The following TTLL5 variants were observed in gnomAD, a reference collection of about 807,000 sequenced individuals.
TTLL5 encodes the protein tubulin polyglutamylase TTLL5.
Under a neutral mutation model 168.4 loss-of-function variants are expected in TTLL5, and 132 were observed. The ratio of observed to expected loss-of-function variants is 0.78; its 90% CI spans 0.68 to 0.91. The LOEUF (loss-of-function observed/expected upper bound fraction) is 0.91, where lower values mean the gene tolerates loss of function less well. TTLL5 is among the 40% of genes least tolerant of loss of function. TTLL5 has a pLI of 0.00. For synonymous variants in TTLL5, 546 were observed against 558.6 expected (o/e 0.98, Z 0.32); for missense variants, 1,545 against 1,581.5 (o/e 0.98, Z 0.39).
At chr14:75,922,519 T>C (rs2033862656) in intron 31 of TTLL5, among the ~76,000 whole-genome samples, 1 of 152,230 alleles carries the variant, frequency 6.6e-6, no homozygotes, top group African/African-American at 2.4e-5. Flanking sequence ...GTTCTGTTTA[T>C]GTGATGGATT....
intron 2 of TTLL5, among the ~76,000 whole-genome samples, chr14:75,664,216 A>T (rs1883092755): frequency 6.6e-6 from 1 of 152,196 alleles, no homozygotes. Context: ...ACTCAGTCTT[A>T]TCAGGAAATT....
At chr14:75,750,796 G>A (rs1179686794) in intron 17 of TTLL5, among the ~76,000 whole-genome samples, 1 of 152,150 alleles carries the variant, frequency 6.6e-6, no homozygotes, top group Non-Finnish European at 1.5e-5. Flanking sequence ...GGCACAGTAA[G>A]ATATTAATAG....
At chr14:75,822,827 T>G (rs1894906623) in intron 28 of TTLL5, among the ~76,000 whole-genome samples, 1 of 152,178 alleles carries the variant, frequency 6.6e-6, no homozygotes, top group African/African-American at 2.4e-5. Context: ...CTTGGTTCCT[T>G]TGGTCTGTCT....
intron 31 of TTLL5, among the ~76,000 whole-genome samples, chr14:75,937,220 G>A (rs918452162): frequency 6.6e-5 from 10 of 151,470 alleles, no homozygotes; most frequent in East Asian, 3.9e-4. Flanking sequence ...TGGTTCAAGC[G>A]ATTCTCCTGC....
chr14:75,919,234 A>C (rs1471548462), intron 31 of TTLL5, among the ~76,000 whole-genome samples: 1 of 151,038 alleles, frequency 6.6e-6, no homozygotes, highest in Non-Finnish European at 1.5e-5. Flanking sequence ...AAAAAGAAAA[A>C]GAAAAGAAAA....
chr14:75,682,963 G>A (rs1301480350), intron 4 of TTLL5, among the ~76,000 whole-genome samples: 4 of 151,922 alleles, frequency 2.6e-5, no homozygotes, highest in East Asian at 3.9e-4. Flanking sequence ...TATAGAGACA[G>A]GGTCTTAATA....
chr14:75,778,506 G>A (rs1015285051), intron 23 of TTLL5, among the ~76,000 whole-genome samples: 2 of 152,190 alleles, frequency 1.3e-5, no homozygotes, highest in African/African-American at 4.8e-5. Context: ...ATCTTTGATA[G>A]TCACTTGAGA....
At chr14:75,752,839 A>G in intron 17 of TTLL5, 54 bp from the exon 18 acceptor site, 2 of 1,533,876 alleles carry the variant, frequency 1.3e-6, no homozygotes, top group Non-Finnish European at 1.8e-6. Context: ...GTATTTCTAC[A>G]TTTTCCTCTT....
rs755391771 is a variant in TTLL5 at position 75,663,122 on chromosome 14, G to C, written c.-28G>C. On this transcript the variant is annotated 5_prime_UTR_variant, in exon 2 of 32. Transcript: ENST00000298832. ...GGAAAGGTCTCTGAGGCCCCCGTCTGCTGACTGCATGACAAACCCTAAAGG... is the reference window on the plus strand; with the variant it reads ...GGAAAGGTCTCTGAGGCCCCCGTCTCCTGACTGCATGACAAACCCTAAAGG... The C allele has an allele frequency of 6.2e-7, 1 of 1,610,062 alleles. No homozygotes were observed. The highest frequency in any genetic ancestry group is 1.1e-5 in the South Asian group (1 of 90,262).
At chr14:75,703,562 G>A (rs538198461) in intron 7 of TTLL5, among the ~76,000 whole-genome samples, 12 of 152,270 alleles carry the variant, frequency 7.9e-5, no homozygotes, top group African/African-American at 2.9e-4. Context: ...TATATTCAAA[G>A]CAAGGAGGGG....
At chr14:75,904,468 G>A (rs2033063258) in intron 31 of TTLL5, among the ~76,000 whole-genome samples, 1 of 152,118 alleles carries the variant, frequency 6.6e-6, no homozygotes, top group African/African-American at 2.4e-5. Context: ...ATTAAGTGTT[G>A]AATTGAACTT....
chr14:75,692,670 A>G (rs1885546404), intron 6 of TTLL5, among the ~76,000 whole-genome samples: 1 of 152,172 alleles, frequency 6.6e-6, no homozygotes, highest in Non-Finnish European at 1.5e-5. Flanking sequence ...AAGAACAAAC[A>G]TTACTGCCTG....
rs542477264 is a variant in TTLL5, at chr14:75,798,825, G to C, written c.3171+5725G>C. On this transcript the variant is annotated intron_variant, in intron 27 of 31. Transcript: ENST00000298832. Reference sequence around the variant, plus strand: ...AGTTTTATTACATTGTGGTCTGAGAGAATACTTGATATAATTTTGATTTTC... The same window carrying C: ...AGTTTTATTACATTGTGGTCTGAGACAATACTTGATATAATTTTGATTTTC... Among the ~76,000 whole-genome samples, 8 of 152,238 alleles carry C rather than the reference G, an allele frequency of 5.3e-5. No homozygotes were observed. The South Asian group carries it at 1.7e-3, about 32-fold the overall frequency.
chr14:75,880,664 A>G (rs530452560), intron 29 of TTLL5, among the ~76,000 whole-genome samples: 2 of 152,120 alleles, frequency 1.3e-5, no homozygotes, highest in African/African-American at 4.8e-5. Flanking sequence ...CTTCCAATTG[A>G]GTTTCTCACA....
chr14:75,682,354 G>GT (rs1456568960), intron 4 of TTLL5, among the ~76,000 whole-genome samples: 1 of 152,114 alleles, frequency 6.6e-6, no homozygotes, highest in Non-Finnish European at 1.5e-5. Context: ...GCCAGGGAAG[G>GT]TCCCCGAGTG....
intron 27 of TTLL5, among the ~76,000 whole-genome samples, chr14:75,794,359 T>G (rs537117183): frequency 7.9e-5 from 12 of 152,090 alleles, no homozygotes; most frequent in Non-Finnish European, 1.5e-4. Context: ...TGCTACACTT[T>G]TATCATTGGG....
chr14:75,739,534 A>G (rs887954443), intron 15 of TTLL5, among the ~76,000 whole-genome samples: 3 of 151,970 alleles, frequency 2.0e-5, no homozygotes, highest in African/African-American at 4.8e-5. Flanking sequence ...CATTATCTCT[A>G]TATTTCTCCT....
At position 75,669,410 on chromosome 14, in the gene TTLL5, T is replaced by G. The variant is rs759523095; in HGVS notation, c.75-6T>G. 7 of 1,611,648 alleles carry G rather than the reference T, an allele frequency of 4.3e-6. No individual in the cohort carries two copies. In the South Asian group the frequency reaches 6.6e-5, roughly 15 times the overall value. The stretch of plus-strand genomic sequence containing the variant: ...TAAATTAATGAAGGCTTTTTTGTCG[T>G]TATAGGGATCATCCATGCATCATGT... On this transcript the variant is annotated splice_region_variant and splice_polypyrimidine_tract_variant and intron_variant, in intron 2 of 31. Transcript: ENST00000298832.
At chr14:75,735,367 C>G in intron 15 of TTLL5, 78 bp downstream of exon 15, 1 of 1,405,008 alleles carries the variant, frequency 7.1e-7, no homozygotes, top group Non-Finnish European at 1.0e-6. Context: ...GGAGCAGAAG[C>G]ACTGTGGGTA....
Sources: gnomAD v4.1 joint callset for allele counts (sites outside exome capture counted in the v4.1 genomes callset) on GRCh38, gnomAD v4.1.1 for gene constraint, MANE v1.5 for transcripts, NCBI Gene and HGNC (gene_info 2026-07-23, HGNC 2026-07-21) for gene names.